The following UNC13D variants were observed in gnomAD, a reference collection of about 807,000 sequenced individuals.
The protein encoded by UNC13D is protein unc-13 homolog D.
In UNC13D, 115 loss-of-function variants were observed where a neutral mutation model predicts 151.7. That is an observed-to-expected ratio of 0.76 (90% CI 0.65 to 0.88). The LOEUF (loss-of-function observed/expected upper bound fraction) is 0.88. Among genes scored for constraint, UNC13D ranks in the 40% least tolerant of loss-of-function variants. The pLI is 0.00. For synonymous variants in UNC13D, 588 were observed against 612.2 expected, an observed-to-expected ratio of 0.96 and a Z score of 0.58; for missense variants, 1,369 against 1,438.7, an observed-to-expected ratio of 0.95 and a Z score of 0.78.
chr17:75,841,439 A>AG (rs1294929532), intron 6 of UNC13D, among the ~76,000 whole-genome samples: 3 of 114,740 alleles, frequency 2.6e-5, no homozygotes, highest in African/African-American at 1.1e-4. Context: ...CACCGCGCCC[A>AG]GCCTTTTTTT....
In UNC13D at chr17:75,842,456, G is replaced by C; in HGVS notation, c.546C>G (p.Pro182=). Residue 182 remains proline, a synonymous_variant, in exon 6 of 32, where the codon CCC becomes CCG. Coordinates refer to ENST00000207549, the MANE Select transcript of UNC13D (RefSeq NM_199242.3). The part of the protein sequence containing the change: ...RTQVITQTLN[P]VWDETFILEF... ...ACAGGATGAAGGTCTCGTCCCAGAC[G>C]GGGTTGAGTGTCTGGGTGATGACCT... The C allele has an allele frequency of 6.2e-7, 1 of 1,613,022 alleles. No homozygotes were observed. Among genetic ancestry groups the C allele is most frequent in the Non-Finnish European group, 8.5e-7 (1 of 1,179,668 alleles).
intron 5 of UNC13D, 80 bp downstream of exon 5, chr17:75,842,777 G>T: frequency 3.8e-6 from 6 of 1,599,180 alleles, no homozygotes; most frequent in Non-Finnish European, 5.1e-6. Flanking sequence ...GGGTGCTCCC[G>T]CCAAGAGTCC....
At chr17:75,829,501 G>GAT (rs2062145989) in intron 30 of UNC13D, among the ~76,000 whole-genome samples, 4 of 151,596 alleles carry the variant, frequency 2.6e-5, no homozygotes, top group Non-Finnish European at 5.9e-5. Context: ...CACCATGTTA[G>GAT]CCAGGATGGT....
chr17:75,833,724 C>T lies in UNC13D; in HGVS notation c.2367+351G>A, dbSNP rs2064887764. Among the ~76,000 whole-genome samples, 1 of 152,136 alleles carries T rather than the reference C, an allele frequency of 6.6e-6. No individual in the cohort carries two copies. The highest frequency in any genetic ancestry group is 2.1e-4 in the South Asian group (1 of 4,822). On this transcript the variant is annotated intron_variant, in intron 24 of 31. Coordinates refer to ENST00000207549, the MANE Select transcript of UNC13D (RefSeq NM_199242.3). The surrounding 1 kb of genome is among the most constrained non-coding windows in gnomAD (Gnocchi z 4.0). ...GTGAATGAATGAATATCCTTCTACC[C>T]GCCAGTCGAAGGTGTGCATCATGAT...
Position 75,834,364 on chromosome 17 carries a change from G to GT in UNC13D, c.2258_2259insA (p.His754ProfsTer2), listed in dbSNP as rs1163596220. The GT allele has an allele frequency of 3.3e-5, 52 of 1,594,068 alleles. No individual in the cohort carries two copies. The highest frequency in any genetic ancestry group is 4.3e-5 in the Non-Finnish European group (51 of 1,178,564). Reference sequence around the variant, plus strand: ...TGCGGACGCCAGTGCGGATCTCATGGCCCAGCCCGGCCAGCGCGCTCTGCA... The same window carrying GT: ...TGCGGACGCCAGTGCGGATCTCATGGTCCCAGCCCGGCCAGCGCGCTCTGCA... On this transcript the variant is annotated frameshift_variant, in exon 23 of 32. Transcript: ENST00000207549. LOFTEE classifies it high-confidence loss of function.
chr17:75,834,397 A>G lies in UNC13D; in HGVS notation c.2226T>C (p.His742=). 6.3e-7 allele frequency: 1 copy of G among 1,588,308 alleles called. No homozygotes were observed. The highest frequency in any genetic ancestry group is 1.7e-5 in the Admixed American group (1 of 58,334). ...LEQGQLQNTL[H]AQLQSALAGL... ...CGGCCAGCGCGCTCTGCAGCTGGGC[A>G]TGCAGCGTGTTCTGCAGCTGCCCCT... Residue 742 remains histidine, a synonymous_variant, in exon 23 of 32, where the codon CAT becomes CAC. Coordinates refer to ENST00000207549, the MANE Select transcript of UNC13D (RefSeq NM_199242.3).
chr17:75,839,858 C>T lies in UNC13D; in HGVS notation c.1036G>A (p.Asp346Asn). 3 of 1,613,804 alleles carry T rather than the reference C, an allele frequency of 1.9e-6. No individual in the cohort carries two copies. Among genetic ancestry groups the T allele is most frequent in the Non-Finnish European group, 2.5e-6 (3 of 1,179,990 alleles). The change falls in exon 12 of 32, where the codon GAC becomes AAC. Residue 346 changes from aspartate to asparagine, a missense_variant. Coordinates refer to ENST00000207549, the MANE Select transcript of UNC13D (RefSeq NM_199242.3). ...FLHATQKDLSDFHQSMAQWLA... is the reference protein window; with the variant it reads ...FLHATQKDLSNFHQSMAQWLA... ...ACTCACGCCATGGACTGGTGGAAGT[C>T]GGATAGGTCCTTCTGTGTGGCGTGC...
At position 75,840,644 on chromosome 17, in the gene UNC13D, C is replaced by A; in HGVS notation, c.684-68G>T. Reference sequence around the variant, plus strand: ...GGAAGGGATTAGGCTGGAATCCACCCCCGGCCGCAGCCACCTGGACCCCAA... The same window carrying A: ...GGAAGGGATTAGGCTGGAATCCACCACCGGCCGCAGCCACCTGGACCCCAA... On this transcript the variant is annotated intron_variant, in intron 8 of 31. Transcript: ENST00000207549. The surrounding 1 kb of genome is among the most constrained non-coding windows in gnomAD (Gnocchi z 4.6). 1 of 1,612,156 alleles carries A rather than the reference C, an allele frequency of 6.2e-7. No individual in the cohort carries two copies. Among genetic ancestry groups the A allele is most frequent in the Non-Finnish European group, 8.5e-7 (1 of 1,178,596 alleles).
chr17:75,835,479 A>T lies in UNC13D; in HGVS notation c.1778T>A (p.Ile593Asn). The change falls in exon 20 of 32, where the codon ATC becomes AAC. Residue 593 changes from isoleucine to asparagine, a missense_variant. By Grantham distance (149) the Ile-to-Asn change is moderately radical (BLOSUM62 -3). Transcript: ENST00000207549. The stretch of plus-strand genomic sequence containing the variant: ...GTACGTCTTCTGCAGCCAGGAGGGG[A>T]TGGCCGGCTGGAACCAGCGGTGGAA... Reference protein sequence around the residue: ...DNFHRWFQPAIPSWLQKTYNE... With the variant: ...DNFHRWFQPANPSWLQKTYNE... 1 of 1,612,350 alleles carries T rather than the reference A, an allele frequency of 6.2e-7. No individual in the cohort carries two copies. Among genetic ancestry groups the T allele is most frequent in the Non-Finnish European group, 8.5e-7 (1 of 1,179,456 alleles).
rs554093524 is a variant in UNC13D at position 75,833,144 on chromosome 17, C to T, written c.2368-99G>A. 13 of 1,255,698 alleles carry T rather than the reference C, an allele frequency of 1.0e-5. No homozygotes were observed. Among genetic ancestry groups the T allele is most frequent in the African/African-American group, 5.9e-5 (4 of 67,374 alleles). 77.8% of individuals were successfully genotyped at this position (1,255,698 alleles called of 1,614,324 possible). On this transcript the variant is annotated intron_variant, in intron 24 of 31. Coordinates refer to ENST00000207549, the MANE Select transcript of UNC13D (RefSeq NM_199242.3). This position sits in a 1 kb window ranked among gnomAD's most constrained non-coding sequence, Gnocchi z 4.0. ...GGAGGGAGGAAACAGGGCTGGGAAC[C>T]GTTCTGTGAGAGCAGTTTGTAGTGT...
chr17:75,829,822 C>T, intron 30 of UNC13D: 1 of 670,920 alleles, frequency 1.5e-6, no homozygotes, highest in Non-Finnish European at 2.4e-6. Context: ...AAGTGATCCG[C>T]CTGCCTCGGC....
rs746781772 is a variant in UNC13D at position 75,835,631 on chromosome 17, T to C, written c.1727+16A>G. The stretch of plus-strand genomic sequence containing the variant: ...CCTGTGCCCCTGCAGCCGCCCACAA[T>C]TGGCCTGCTGCCCACCTCTCTGAGG... On this transcript the variant is annotated intron_variant, in intron 19 of 31. Transcript: ENST00000207549. 15 of 1,613,040 alleles carry C rather than the reference T, an allele frequency of 9.3e-6. No individual in the cohort carries two copies. The South Asian group carries it at 1.4e-4, about 15-fold the overall frequency.
rs550419919 is a variant in UNC13D, at chr17:75,834,641, C to T, written c.2068G>A (p.Asp690Asn). 21 of 1,613,822 alleles carry T rather than the reference C, an allele frequency of 1.3e-5. No individual in the cohort carries two copies. The South Asian group carries it at 1.9e-4, about 14-fold the overall frequency. Residue 690 changes from aspartate to asparagine, a missense_variant, in exon 22 of 32, where the codon GAC becomes AAC. By Grantham distance (23) the Asp-to-Asn change is conservative. Transcript: ENST00000207549. ...ACCATGTTGGCTGCCTGGCCTTGGT[C>T]CTTCTGGCCTGAAGAGAGCTCGCGG... ...RARELSSGQK[D>N]QGQAANMLCV... is the part of the protein sequence containing the mutation.
At position 75,833,152 on chromosome 17, in the gene UNC13D, G is replaced by T. The variant is rs1262656737; in HGVS notation, c.2368-107C>A. ...GAAACAGGGCTGGGAACCGTTCTGTGAGAGCAGTTTGTAGTGTCTGTAAGA... is the reference window on the plus strand; with the variant it reads ...GAAACAGGGCTGGGAACCGTTCTGTTAGAGCAGTTTGTAGTGTCTGTAAGA... On this transcript the variant is annotated intron_variant, in intron 24 of 31. Coordinates refer to ENST00000207549, the MANE Select transcript of UNC13D (RefSeq NM_199242.3). This position sits in a 1 kb window ranked among gnomAD's most constrained non-coding sequence, Gnocchi z 4.0. The T allele has an allele frequency of 6.9e-6, 8 of 1,156,158 alleles. No homozygotes were observed. The highest frequency in any genetic ancestry group is 2.5e-6 in the Non-Finnish European group (2 of 797,116). 71.6% of individuals were successfully genotyped at this position (1,156,158 alleles called of 1,614,324 possible). A position where few individuals can be genotyped will look rare whatever the true frequency, so the allele number is the denominator to read the frequency against.
chr17:75,829,296 A>C (rs985203284), intron 30 of UNC13D, among the ~76,000 whole-genome samples: 16 of 152,142 alleles, frequency 1.1e-4, no homozygotes, highest in Non-Finnish European at 1.6e-4. Flanking sequence ...CCCCCAAGGG[A>C]AGCAAACTTT....
intron 6 of UNC13D, chr17:75,841,217 T>G (rs2064946906): frequency 1.9e-6 from 1 of 520,050 alleles, no homozygotes; most frequent in African/African-American, 2.2e-5. Context: ...AGGATCTAAC[T>G]CACTGCAACC....
Position 75,835,393 on chromosome 17 carries a change from C to T in UNC13D, c.1848+16G>A, listed in dbSNP as rs1457533675. On this transcript the variant is annotated intron_variant, in intron 20 of 31. Coordinates refer to ENST00000207549, the MANE Select transcript of UNC13D (RefSeq NM_199242.3). ...CCAAACCGGGGCCCCGCCCCCTGCC[C>T]TGGCCACGCCCCCACCTCATCCATC... 3.1e-6 allele frequency: 5 copies of T among 1,609,616 alleles called. No homozygotes were observed. In the African/African-American group the frequency reaches 4.0e-5, roughly 13 times the overall value.
rs1364426779 is a variant in UNC13D at position 75,844,168 on chromosome 17, G to A, written c.117+53C>T. The A allele has an allele frequency of 1.5e-5, 24 of 1,597,680 alleles. 1 individual carries two copies. In the South Asian group the frequency reaches 1.5e-4, roughly 10 times the overall value. On this transcript the variant is annotated intron_variant, in intron 1 of 31. Transcript: ENST00000207549. The stretch of plus-strand genomic sequence containing the variant: ...GCCAGACAGCAGGGCACCCGTACCC[G>A]AGACCACAGTGCTCCCCAAGGCCAG...
At chr17:75,829,138 G>C (rs1262779513) in intron 30 of UNC13D, among the ~76,000 whole-genome samples, 155 bp from the exon 31 acceptor site, 1 of 152,238 alleles carries the variant, frequency 6.6e-6, no homozygotes, top group African/African-American at 2.4e-5. Context: ...TGCAATGCCT[G>C]CTCTGACCGT....
Sources: allele counts gnomAD v4.1 joint callset (sites outside exome capture counted in the v4.1 genomes callset), GRCh38; gene constraint gnomAD v4.1.1; non-coding constraint Gnocchi (gnomAD v3.1); transcripts MANE v1.5; gene names NCBI Gene and HGNC (gene_info 2026-07-23, HGNC 2026-07-21).